The following KALRN variants were observed in gnomAD, a reference collection of about 807,000 sequenced individuals.
KALRN encodes kalirin.
A neutral mutation model predicts 353.7 loss-of-function variants in KALRN; 70 were observed. That is an observed-to-expected ratio of 0.20 (90% CI 0.16 to 0.24). KALRN has a LOEUF of 0.24. Ranked by LOEUF, KALRN falls within the 10% of genes least tolerant of loss-of-function variation. The pLI is 1.00. For missense variants in KALRN, 2,791 were observed against 3,756.7 expected (o/e 0.74, Z 6.72); for synonymous variants, 1,391 against 1,434.8 (o/e 0.97, Z 0.69).
At chr3:124,384,756 C>T in intron 10 of KALRN, 89 bp from the exon 11 acceptor site, 1 of 1,311,264 alleles carries the variant, frequency 7.6e-7, no homozygotes, top group Non-Finnish European at 1.1e-6. Context: ...AGCGCCCACG[C>T]CCCTCCGCTT....
intron 23 of KALRN, 148 bp downstream of exon 23, chr3:124,456,876 G>A: frequency 1.8e-6 from 1 of 553,690 alleles, no homozygotes; most frequent in East Asian, 3.3e-5. Flanking sequence ...TTGAGAATAT[G>A]GGTTCCCTCT....
At chr3:124,335,304 T>C (rs1581089841) in intron 9 of KALRN, among the ~76,000 whole-genome samples, 1 of 152,292 alleles carries the variant, frequency 6.6e-6, no homozygotes, top group East Asian at 1.9e-4. Context: ...ATTTAAAACC[T>C]GGGCTGTTGT....
In KALRN at chr3:124,265,298, C is replaced by CTTTTT. The variant is rs3054177; in HGVS notation, c.456+618_456+622dup. Among the ~76,000 whole-genome samples the CTTTTT allele has an allele frequency of 3.2e-3, 234 of 73,120 alleles. 55 individuals are homozygous for CTTTTT. Among genetic ancestry groups the CTTTTT allele is most frequent in the Admixed American group, 5.6e-3 (32 of 5,694 alleles). The allele number at this position is 73,120 out of a possible 152,430, so 48.0% of individuals were successfully genotyped here. On this transcript the variant is annotated intron_variant, in intron 4 of 59. Transcript: ENST00000682506. ...CTAGTAACTAATTTAAGAAAATATT[C>CTTTTT]TTTTTTTTTTTTTTGAGATAGAGTC...
At chr3:124,693,038 T>A (rs2061893404) in intron 51 of KALRN, among the ~76,000 whole-genome samples, 3 of 152,238 alleles carry the variant, frequency 2.0e-5, no homozygotes. Flanking sequence ...CAGCATGGTA[T>A]ATACCAAGAG....
chr3:124,258,490 A>G (rs992118967), intron 3 of KALRN, among the ~76,000 whole-genome samples: 2 of 152,086 alleles, frequency 1.3e-5, no homozygotes, highest in East Asian at 3.8e-4. Context: ...CCTCAGGGTC[A>G]TCTACTTCCT....
chr3:124,337,979 G>T (rs2081303371), intron 9 of KALRN, among the ~76,000 whole-genome samples: 1 of 151,974 alleles, frequency 6.6e-6, no homozygotes, highest in South Asian at 2.1e-4. Flanking sequence ...GATCAGTGGT[G>T]GTATCCCCTT....
At chr3:124,130,686 A>T (rs576106474) in intron 1 of KALRN, among the ~76,000 whole-genome samples, 2 of 152,338 alleles carry the variant, frequency 1.3e-5, no homozygotes, top group East Asian at 1.9e-4. Context: ...AAGAATGTTC[A>T]TATCAGCTTT....
At chr3:124,376,593 A>T (rs537673407) in intron 10 of KALRN, among the ~76,000 whole-genome samples, 3 of 152,230 alleles carry the variant, frequency 2.0e-5, no homozygotes. Flanking sequence ...CTCCTTAATC[A>T]TAGACAATGT....
intron 11 of KALRN, among the ~76,000 whole-genome samples, chr3:124,387,768 T>G (rs1372698792): frequency 6.6e-6 from 1 of 152,214 alleles, no homozygotes; most frequent in African/African-American, 2.4e-5. Context: ...GCTCATTCTA[T>G]TCAAGACATC....
chr3:124,421,984 T>C (rs2092803036), intron 14 of KALRN, among the ~76,000 whole-genome samples: 1 of 152,216 alleles, frequency 6.6e-6, no homozygotes, highest in Non-Finnish European at 1.5e-5. Flanking sequence ...TTTATTAATG[T>C]TGGGTGGTTT....
chr3:124,622,408 C>T (rs890413449), intron 34 of KALRN, among the ~76,000 whole-genome samples: 1 of 152,186 alleles, frequency 6.6e-6, no homozygotes, highest in Non-Finnish European at 1.5e-5. Flanking sequence ...TCACATGATG[C>T]ATTATATAGA....
chr3:124,264,709 T>C lies in KALRN; in HGVS notation c.456+19T>C. ...CTTTGAGGTGAGCCAGATTTCTCTC[T>C]CTTAGCATCTTCTTTCCCTTCCCCT... On this transcript the variant is annotated intron_variant, in intron 4 of 59. Transcript: ENST00000682506. 1 of 1,603,376 alleles carries C rather than the reference T, an allele frequency of 6.2e-7. No homozygotes were observed. The highest frequency in any genetic ancestry group is 1.1e-5 in the South Asian group (1 of 90,850).
intron 10 of KALRN, among the ~76,000 whole-genome samples, chr3:124,379,656 A>G (rs1457556896): frequency 6.6e-6 from 1 of 152,182 alleles, no homozygotes; most frequent in Admixed American, 6.5e-5. Flanking sequence ...GAGGTTTTCC[A>G]GGCTGACTGG....
intron 34 of KALRN, among the ~76,000 whole-genome samples, chr3:124,597,567 A>G (rs2076389255): frequency 6.6e-6 from 1 of 152,170 alleles, no homozygotes; most frequent in Non-Finnish European, 1.5e-5. Context: ...CAGCAGGGAT[A>G]TTCAGGGGAC....
intron 34 of KALRN, among the ~76,000 whole-genome samples, chr3:124,574,433 A>G (rs1380845462): frequency 6.6e-6 from 1 of 152,156 alleles, no homozygotes; most frequent in Admixed American, 6.5e-5. Context: ...GCCCACTGTA[A>G]ATCTGTGACA....
intron 1 of KALRN, among the ~76,000 whole-genome samples, chr3:124,184,927 A>G (rs2074034132): frequency 1.3e-5 from 2 of 152,216 alleles, no homozygotes; most frequent in South Asian, 4.1e-4. Context: ...GTGGATCTGT[A>G]TGAATGCATT....
At chr3:124,600,855 C>T (rs1465236773) in intron 34 of KALRN, among the ~76,000 whole-genome samples, 1 of 152,152 alleles carries the variant, frequency 6.6e-6, no homozygotes, top group African/African-American at 2.4e-5. Flanking sequence ...AAGAGGAAAA[C>T]CAGATTACAA....
intron 34 of KALRN, among the ~76,000 whole-genome samples, chr3:124,564,959 G>T (rs187437637): frequency 2.0e-5 from 3 of 152,248 alleles, no homozygotes; most frequent in Admixed American, 2.0e-4. Flanking sequence ...CTTCTATGCA[G>T]ACCTGTGCTA....
chr3:124,382,496 C>G (rs946412267), intron 10 of KALRN, among the ~76,000 whole-genome samples: 1 of 152,014 alleles, frequency 6.6e-6, no homozygotes, highest in Non-Finnish European at 1.5e-5. Flanking sequence ...TTCCCAGGAC[C>G]GAGGGGATTT....
Sources: allele counts gnomAD v4.1 joint callset (sites outside exome capture counted in the v4.1 genomes callset), GRCh38; gene constraint gnomAD v4.1.1; transcripts MANE v1.5; gene names NCBI Gene and HGNC (gene_info 2026-07-23, HGNC 2026-07-21).